ASB5: variants seen among roughly 807,000 people sequenced by gnomAD.
The protein encoded by ASB5 is ankyrin repeat and SOCS box containing 5.
ASB5 carries 45 observed loss-of-function variants against 42.1 expected under a neutral mutation model. The ratio of observed to expected loss-of-function variants is 1.07; its 90% CI spans 0.84 to 1.37. The LOEUF (loss-of-function observed/expected upper bound fraction) is 1.37, where lower values mean the gene tolerates loss of function less well. Among genes scored for constraint, ASB5 ranks in the 40% most tolerant of loss-of-function variants. The probability of loss-of-function intolerance (pLI) is 0.00; values close to 1 mark genes in which losing one functional copy is unlikely to be tolerated. For missense variants in ASB5, 402 were observed against 399.8 expected (o/e 1.01, Z -0.05); for synonymous variants, 147 against 150.6 (o/e 0.98, Z 0.18).
chr4:176,245,960 C>T (rs4419433), intron 1 of ASB5, among the ~76,000 whole-genome samples: 138,412 of 151,890 alleles, frequency 0.91, 63,251 homozygotes, highest in Non-Finnish European at 0.93. Context: ...GATGAGTTAA[C>T]GGGTGCAGCA....
At chr4:176,251,071 G>C (rs897168982) in intron 1 of ASB5, among the ~76,000 whole-genome samples, 2 of 151,880 alleles carry the variant, frequency 1.3e-5, no homozygotes. Context: ...GAGAAAATCT[G>C]ATCTGCACCA....
rs1432945526 is a variant in ASB5 at position 176,276,465 on chromosome 4, T to C, written c.-200-559A>G. ...TTCTATAATCAGAATTCATAACCAA[T>C]GTTATATATAAAACAAATGATGTAT... On this transcript the variant is annotated intron_variant, in intron 1 of 2. Coordinates refer to the ASB5 transcript ENST00000505299. Among the ~76,000 whole-genome samples, 4 of 152,196 alleles carry C rather than the reference T, an allele frequency of 2.6e-5. No homozygotes were observed. The East Asian group carries it at 7.7e-4, about 29-fold the overall frequency.
rs529859775 is a variant in ASB5, at chr4:176,237,062, G to T, written c.197-11721C>A. Among the ~76,000 whole-genome samples the T allele has an allele frequency of 2.7e-4, 41 of 152,240 alleles. 3 individuals carry two copies. The South Asian group carries it at 8.5e-3, about 32-fold the overall frequency. On this transcript the variant is annotated intron_variant, in intron 1 of 6. Coordinates refer to ENST00000296525, the MANE Select transcript of ASB5 (RefSeq NM_080874.4). ...CTGAAACAGAAAGGTAAACAAACCA[G>T]AGTCTAAGAGTTTGCAGTCATGTTT...
chr4:176,220,004 A>G (rs1753157324), intron 5 of ASB5, among the ~76,000 whole-genome samples: 1 of 152,208 alleles, frequency 6.6e-6, no homozygotes, highest in African/African-American at 2.4e-5. Flanking sequence ...ATAATACACT[A>G]ACACTAATGA....
At chr4:176,237,788 CTATT>C (rs1433717491) in intron 1 of ASB5, among the ~76,000 whole-genome samples, 3 of 152,186 alleles carry the variant, frequency 2.0e-5, no homozygotes, top group Admixed American at 6.5e-5. Flanking sequence ...AGATAAAAGC[CTATT>C]TAAAGAACCT....
intron 1 of ASB5, among the ~76,000 whole-genome samples, chr4:176,258,726 C>T (rs924239607): frequency 1.3e-5 from 2 of 152,056 alleles, no homozygotes; most frequent in Non-Finnish European, 2.9e-5. Flanking sequence ...GCTATAGAAC[C>T]AGGTTTGTAG....
In ASB5 at chr4:176,241,718, T is replaced by G. The variant is rs990237218; in HGVS notation, c.197-16377A>C. ...TGAGAGTAAGCCTGACATAAGCATCTTGGAAAAAAAATTGAGCAGTTGTTA... is the reference window on the plus strand; with the variant it reads ...TGAGAGTAAGCCTGACATAAGCATCGTGGAAAAAAAATTGAGCAGTTGTTA... On this transcript the variant is annotated intron_variant, in intron 1 of 6. Transcript: ENST00000296525. 7 of 1,240,910 alleles carry G rather than the reference T, an allele frequency of 5.6e-6. No individual in the cohort carries two copies. In the African/African-American group the frequency reaches 1.1e-4, roughly 19 times the overall value. The allele number at this position is 1,240,910 out of a possible 1,614,324, so 76.9% of individuals were successfully genotyped here.
intron 1 of ASB5, among the ~76,000 whole-genome samples, chr4:176,249,830 C>T (rs1284955766): frequency 2.0e-5 from 3 of 152,024 alleles, no homozygotes; most frequent in African/African-American, 4.8e-5. Flanking sequence ...CTTTGGGAGG[C>T]CGAGGCGGGT....
chr4:176,249,213 C>T (rs774348801), intron 1 of ASB5, among the ~76,000 whole-genome samples: 4 of 152,094 alleles, frequency 2.6e-5, no homozygotes, highest in Admixed American at 6.6e-5. Flanking sequence ...GTAATCTGCC[C>T]GCCGCAGCCT....
intron 1 of ASB5, chr4:176,241,716 T>C (rs1579324756): frequency 8.0e-7 from 1 of 1,243,048 alleles, no homozygotes. Context: ...GACATAAGCA[T>C]CTTGGAAAAA....
At chr4:176,245,319 G>A (rs1202723974) in intron 1 of ASB5, among the ~76,000 whole-genome samples, 1 of 152,158 alleles carries the variant, frequency 6.6e-6, no homozygotes, top group Non-Finnish European at 1.5e-5. Context: ...CTGGTCATCA[G>A]AGAAATGCAA....
intron 1 of ASB5, among the ~76,000 whole-genome samples, chr4:176,245,897 G>A (rs546406478): frequency 9.2e-5 from 14 of 152,132 alleles, no homozygotes; most frequent in South Asian, 2.1e-4. Flanking sequence ...GGGGCCTGTC[G>A]TGGGGTGGGG....
intron 1 of ASB5, among the ~76,000 whole-genome samples, chr4:176,234,260 C>T (rs182244727): frequency 3.9e-5 from 6 of 152,344 alleles, no homozygotes; most frequent in Admixed American, 2.6e-4. Flanking sequence ...CCTATGAACT[C>T]TCCAGGCTCT....
chr4:176,225,488 G>A (rs889139575), intron 1 of ASB5, 147 bp from the exon 2 acceptor site: 14 of 640,202 alleles, frequency 2.2e-5, no homozygotes, highest in Non-Finnish European at 3.5e-5. Flanking sequence ...CTGTACATTA[G>A]GAAATTTGAC....
intron 1 of ASB5, among the ~76,000 whole-genome samples, chr4:176,229,302 T>C (rs772394737): frequency 4.6e-5 from 7 of 152,184 alleles, no homozygotes; most frequent in Non-Finnish European, 1.0e-4. Flanking sequence ...AGACGTGGCC[T>C]TTGGGATTCA....
At chr4:176,263,692 G>A (rs541999817) in intron 1 of ASB5, among the ~76,000 whole-genome samples, 5 of 152,020 alleles carry the variant, frequency 3.3e-5, no homozygotes, top group Non-Finnish European at 7.4e-5. Flanking sequence ...CTACAGATTT[G>A]CTACAGATTC....
intron 1 of ASB5, among the ~76,000 whole-genome samples, chr4:176,267,047 C>A (rs138242941): frequency 6.6e-6 from 1 of 151,976 alleles, no homozygotes; most frequent in East Asian, 1.9e-4. Flanking sequence ...TCTTTTCAAC[C>A]CACAAAAATG....
chr4:176,276,832 G>C (rs537441028), intron 1 of ASB5, among the ~76,000 whole-genome samples: 1 of 152,268 alleles, frequency 6.6e-6, no homozygotes, highest in East Asian at 1.9e-4. Flanking sequence ...TACCAGTAGG[G>C]AAATGAAGAC....
At chr4:176,257,856 A>G (rs1294033419) in intron 1 of ASB5, among the ~76,000 whole-genome samples, 3 of 152,134 alleles carry the variant, frequency 2.0e-5, no homozygotes, top group African/African-American at 7.2e-5. Flanking sequence ...CTGACAACTT[A>G]CTAAGCTCTT....
Sources: allele counts gnomAD v4.1 joint callset (sites outside exome capture counted in the v4.1 genomes callset), GRCh38; gene constraint gnomAD v4.1.1; transcripts MANE v1.5; gene names NCBI Gene and HGNC (gene_info 2026-07-23, HGNC 2026-07-21).